The following NRXN1 variants were observed in gnomAD, a reference collection of about 807,000 sequenced individuals.
NRXN1 encodes the protein neurexin 1.
NRXN1 carries 39 observed loss-of-function variants against 150.9 expected under a neutral mutation model. The ratio of observed to expected loss-of-function variants is 0.26; its 90% CI spans 0.20 to 0.34. The LOEUF (loss-of-function observed/expected upper bound fraction) is 0.34. Ranked by LOEUF, NRXN1 falls within the 10% of genes least tolerant of loss-of-function variation. The pLI is 1.00. For synonymous variants in NRXN1, 924 were observed against 757.0 expected (o/e 1.22, Z -3.62); for missense variants, 1,815 against 1,949.9 (o/e 0.93, Z 1.30).
chr2:50,981,937 T>C (rs764400452), intron 2 of NRXN1, among the ~76,000 whole-genome samples: 21 of 151,954 alleles, frequency 1.4e-4, no homozygotes, highest in Non-Finnish European at 1.5e-4. Flanking sequence ...TAAATCCAGA[T>C]ATCTTAAAAA....
intron 17 of NRXN1, among the ~76,000 whole-genome samples, chr2:50,274,276 C>T (rs1336799357): frequency 6.6e-6 from 1 of 152,090 alleles, no homozygotes; most frequent in Non-Finnish European, 1.5e-5. Context: ...TAACATCATT[C>T]TCAGCTAACT....
At chr2:50,780,308 G>A (rs1000441835) in intron 5 of NRXN1, among the ~76,000 whole-genome samples, 4 of 152,072 alleles carry the variant, frequency 2.6e-5, no homozygotes, top group African/African-American at 9.7e-5. Context: ...GCTTTGTAAT[G>A]TGGTTTTTTC....
intron 17 of NRXN1, among the ~76,000 whole-genome samples, chr2:50,334,192 A>ATTTTATACATATATATATAT (rs1553457970): frequency 5.9e-5 from 7 of 118,982 alleles, no homozygotes; most frequent in African/African-American, 3.0e-4. Flanking sequence ...ACCAGGACCA[A>ATTTTATACATATATATATAT]ATATATATAT....
At chr2:50,728,195 A>T (rs1310413996) in intron 5 of NRXN1, among the ~76,000 whole-genome samples, 3 of 151,990 alleles carry the variant, frequency 2.0e-5, no homozygotes, top group Admixed American at 6.5e-5. Flanking sequence ...AGACACTTAT[A>T]TGACTCATAA....
At chr2:49,939,799 T>C (rs1271561382) in intron 22 of NRXN1, among the ~76,000 whole-genome samples, 3 of 152,214 alleles carry the variant, frequency 2.0e-5, no homozygotes, top group East Asian at 1.9e-4. Context: ...TTAATTAATA[T>C]AGAACTGAAG....
At chr2:50,419,222 A>G (rs2083780870) in intron 17 of NRXN1, among the ~76,000 whole-genome samples, 1 of 152,134 alleles carries the variant, frequency 6.6e-6, no homozygotes, top group Admixed American at 6.6e-5. Context: ...TTAAATAAAT[A>G]GTATATCTGA....
chr2:50,598,707 C>T (rs945821047), intron 8 of NRXN1, among the ~76,000 whole-genome samples: 3 of 139,308 alleles, frequency 2.2e-5, no homozygotes, highest in South Asian at 2.2e-4. Context: ...TATATATATA[C>T]ATATATATGT....
chr2:49,959,962 G>C (rs554449634), intron 21 of NRXN1, among the ~76,000 whole-genome samples: 1 of 152,138 alleles, frequency 6.6e-6, no homozygotes, highest in South Asian at 2.1e-4. Context: ...GAATGCAAAT[G>C]TATTTTTTTT....
intron 17 of NRXN1, among the ~76,000 whole-genome samples, chr2:50,461,645 C>T (rs552542229): frequency 3.9e-5 from 6 of 152,008 alleles, no homozygotes; most frequent in African/African-American, 1.4e-4. Flanking sequence ...ACAGAACTGG[C>T]ACATAGTAAG....
At chr2:50,257,023 T>A (rs2152905913) in intron 17 of NRXN1, among the ~76,000 whole-genome samples, 1 of 152,228 alleles carries the variant, frequency 6.6e-6, no homozygotes, top group East Asian at 1.9e-4. Context: ...AGGGTGTTTA[T>A]CCAGGCTTTG....
chr2:50,152,359 C>A (rs770865598), intron 18 of NRXN1, among the ~76,000 whole-genome samples: 1 of 151,516 alleles, frequency 6.6e-6, no homozygotes, highest in African/African-American at 2.4e-5. Context: ...ATCCATGAAC[C>A]CTGCATATGT....
chr2:50,973,466 G>C (rs1327088821), intron 2 of NRXN1, among the ~76,000 whole-genome samples: 1 of 152,118 alleles, frequency 6.6e-6, no homozygotes, highest in Non-Finnish European at 1.5e-5. Flanking sequence ...CAACAGGAAA[G>C]GAATGCCTAC....
chr2:50,763,774 A>T (rs1252129823), intron 5 of NRXN1, among the ~76,000 whole-genome samples: 1 of 151,970 alleles, frequency 6.6e-6, no homozygotes, highest in Non-Finnish European at 1.5e-5. Flanking sequence ...GAGTAATGAA[A>T]AAGCCTGTAA....
At chr2:50,009,858 C>G (rs1685370053) in intron 21 of NRXN1, among the ~76,000 whole-genome samples, 1 of 152,054 alleles carries the variant, frequency 6.6e-6, no homozygotes, top group African/African-American at 2.4e-5. Flanking sequence ...ATTTGCATAA[C>G]TACTGTAATC....
At chr2:50,019,916 C>G (rs1687270993) in intron 21 of NRXN1, among the ~76,000 whole-genome samples, 1 of 127,560 alleles carries the variant, frequency 7.8e-6, no homozygotes, top group Non-Finnish European at 1.6e-5. Context: ...CCACTGCACT[C>G]CGGCCTGGGT....
chr2:50,798,642 G>C (rs1304806249), intron 5 of NRXN1, among the ~76,000 whole-genome samples: 2 of 152,136 alleles, frequency 1.3e-5, no homozygotes, highest in Non-Finnish European at 2.9e-5. Flanking sequence ...GCTATACGCT[G>C]ATTGATATTT....
chr2:50,434,289 G>C (rs1243659945), intron 17 of NRXN1, among the ~76,000 whole-genome samples: 1 of 151,284 alleles, frequency 6.6e-6, no homozygotes, highest in Non-Finnish European at 1.5e-5. Context: ...TCACCGTGTT[G>C]GCCAGGATGG....
At chr2:50,825,504 A>G (rs988474221) in intron 5 of NRXN1, among the ~76,000 whole-genome samples, 1 of 152,192 alleles carries the variant, frequency 6.6e-6, no homozygotes, top group African/African-American at 2.4e-5. Context: ...AGCTTCCATA[A>G]TAACTCAAAA....
intron 5 of NRXN1, chr2:50,829,636 T>C: frequency 3.7e-6 from 6 of 1,611,892 alleles, no homozygotes; most frequent in Non-Finnish European, 5.1e-6. Flanking sequence ...GGGATTCCAG[T>C]AGCCAGGTTG....
Sources: gnomAD v4.1 joint callset for allele counts (sites outside exome capture counted in the v4.1 genomes callset) on GRCh38, gnomAD v4.1.1 for gene constraint, MANE v1.5 for transcripts, NCBI Gene and HGNC (gene_info 2026-07-23, HGNC 2026-07-21) for gene names.